Variants in UGP2 observed in about 807,000 individuals in gnomAD.
UGP2 encodes UDP-glucose pyrophosphorylase 2.
A neutral mutation model predicts 49.0 loss-of-function variants in UGP2; 40 were observed. The ratio of observed to expected loss-of-function variants is 0.82; its 90% confidence interval spans 0.63 to 1.06. UGP2 has a LOEUF of 1.06. Among genes scored for constraint, UGP2 ranks in the 50% least tolerant of loss-of-function variants. The pLI is 0.00. For missense variants in UGP2, 460 were observed against 603.5 expected (o/e 0.76, Z 2.49); for synonymous variants, 225 against 213.0 (o/e 1.06, Z -0.49).
chr2:63,887,667 G>C, intron 8 of UGP2, 23 bp downstream of exon 8: 1 of 1,609,340 alleles, frequency 6.2e-7, no homozygotes, highest in South Asian at 1.1e-5. Context: ...AAAGATATGT[G>C]AGTTCATATT....
In UGP2 at chr2:63,842,119, C is replaced by T. The variant is rs1268255304; in HGVS notation, c.-67C>T. ...GTTAAAGCAGGAGAGGAAGAGAGAC[C>T]TGCCCTGTAGCGTGACTCCTCTAGA... On this transcript the variant is annotated 5_prime_UTR_variant, in exon 1 of 10. Transcript: ENST00000337130. The T allele has an allele frequency of 6.5e-7, 1 of 1,540,798 alleles. No individual in the cohort carries two copies. The highest frequency in any genetic ancestry group is 1.4e-5 in the African/African-American group (1 of 71,614).
At chr2:63,877,754 G>A (rs1558955339) in intron 3 of UGP2, among the ~76,000 whole-genome samples, 2 of 152,008 alleles carry the variant, frequency 1.3e-5, no homozygotes, top group East Asian at 1.9e-4. Flanking sequence ...AGCACTTGGG[G>A]AGGCCGAGGC....
intron 3 of UGP2, among the ~76,000 whole-genome samples, chr2:63,872,787 C>T (rs192027424): frequency 1.8e-3 from 269 of 150,206 alleles, no homozygotes; most frequent in Non-Finnish European, 2.2e-3. Flanking sequence ...ATGCCAGTGC[C>T]CTCAAAAAAA....
Position 63,858,046 on chromosome 2 carries a change from A to G in UGP2, c.255+110A>G, listed in dbSNP as rs541582741. On this transcript the variant is annotated intron_variant, in intron 3 of 9. Transcript: ENST00000337130. Reference sequence around the variant, plus strand: ...CTATAACAATCATGTGAGACAAGACAGGACTTGCTTTGAATTCTCTGACCC... The same window carrying G: ...CTATAACAATCATGTGAGACAAGACGGGACTTGCTTTGAATTCTCTGACCC... The G allele has an allele frequency of 2.4e-5, 24 of 982,588 alleles. No individual in the cohort carries two copies. The African/African-American group carries it at 3.6e-4, about 15-fold the overall frequency. 60.9% of individuals were successfully genotyped at this position (982,588 alleles called of 1,614,324 possible).
chr2:63,887,813 C>A, intron 8 of UGP2, 169 bp downstream of exon 8: 1 of 930,672 alleles, frequency 1.1e-6, no homozygotes, highest in Non-Finnish European at 1.5e-6. Context: ...AAATATTTTA[C>A]TTCACATTTG....
chr2:63,886,018 A>G, intron 6 of UGP2, 132 bp downstream of exon 6: 1 of 1,065,586 alleles, frequency 9.4e-7, no homozygotes. Flanking sequence ...ACATAATAGT[A>G]TGTATCATAA....
intron 3 of UGP2, among the ~76,000 whole-genome samples, chr2:63,870,138 G>T (rs891476866): frequency 1.3e-5 from 2 of 152,034 alleles, no homozygotes; most frequent in African/African-American, 2.4e-5. Context: ...TAGCCAGGAT[G>T]ATCTCGATAT....
At chr2:63,859,749 G>T (rs1258407471) in intron 3 of UGP2, among the ~76,000 whole-genome samples, 1 of 152,184 alleles carries the variant, frequency 6.6e-6, no homozygotes, top group Non-Finnish European at 1.5e-5. Flanking sequence ...AAAAGTGTAA[G>T]TCTTCATTAA....
chr2:63,880,862 A>G (rs1671257009), intron 3 of UGP2, among the ~76,000 whole-genome samples: 3 of 151,904 alleles, frequency 2.0e-5, no homozygotes, highest in African/African-American at 7.3e-5. Flanking sequence ...TCACATCCCA[A>G]TATTTATGTA....
intron 3 of UGP2, among the ~76,000 whole-genome samples, chr2:63,878,406 G>A (rs1198661258): frequency 6.6e-6 from 1 of 152,058 alleles, no homozygotes; most frequent in Non-Finnish European, 1.5e-5. Context: ...CTTCAATCAG[G>A]TATGTTTTTA....
In UGP2 at chr2:63,885,800, A is replaced by G; in HGVS notation, c.787A>G (p.Ile263Val). 6.2e-7 allele frequency: 1 copy of G among 1,612,640 alleles called. No homozygotes were observed. Among genetic ancestry groups the G allele is most frequent in the Non-Finnish European group, 8.5e-7 (1 of 1,179,590 alleles). ...DNLGATVDLY[I>V]LNHLMNPPNG... is the part of the protein sequence containing the mutation. ...TCTGGGTGCCACAGTGGATCTGTAT[A>G]TTCTTAATCATCTAATGAACCCACC... The change falls in exon 6 of 10, where the codon ATT becomes GTT. Residue 263 changes from isoleucine to valine, a missense_variant. Around this residue, in one of 2 missense-constraint regions of UGP2, gnomAD observed 317 missense variants for 473.0 expected, o/e 0.67. Transcript: ENST00000337130.
chr2:63,878,539 A>G (rs185402380), intron 3 of UGP2, among the ~76,000 whole-genome samples: 41 of 152,366 alleles, frequency 2.7e-4, no homozygotes, highest in Non-Finnish European at 2.5e-4. Context: ...AATTTATAAT[A>G]AAACTTTCCA....
chr2:63,873,167 T>C (rs1670673630), intron 3 of UGP2, among the ~76,000 whole-genome samples: 1 of 152,190 alleles, frequency 6.6e-6, no homozygotes, highest in African/African-American at 2.4e-5. Context: ...GAACAAAAGT[T>C]GTGGAAGCTT....
At chr2:63,848,104 G>A (rs190737033) in intron 1 of UGP2, among the ~76,000 whole-genome samples, 280 of 152,268 alleles carry the variant, frequency 1.8e-3, no homozygotes, top group African/African-American at 6.2e-3. Context: ...TAAATTAGTA[G>A]GGCAAGTTCT....
intron 3 of UGP2, among the ~76,000 whole-genome samples, chr2:63,860,246 A>G (rs1669744357): frequency 6.6e-6 from 1 of 152,306 alleles, no homozygotes; most frequent in Non-Finnish European, 1.5e-5. Flanking sequence ...AAGGTGTGAC[A>G]TAAACATTGT....
At chr2:63,842,541 A>G in intron 1 of UGP2, 1 of 1,522,810 alleles carries the variant, frequency 6.6e-7, no homozygotes, top group Non-Finnish European at 8.8e-7. Flanking sequence ...GTGTCAAGGT[A>G]CCTGTGCGTG....
chr2:63,885,436 A>G (rs2104359870), intron 5 of UGP2, among the ~76,000 whole-genome samples, 153 bp from the exon 6 acceptor site: 1 of 152,252 alleles, frequency 6.6e-6, no homozygotes, highest in South Asian at 2.1e-4. Context: ...ATACTGAGAG[A>G]TTTTCTTAAA....
intron 8 of UGP2, chr2:63,888,471 G>A (rs1451472769): frequency 6.6e-6 from 1 of 152,206 alleles, no homozygotes; most frequent in African/African-American, 2.4e-5. Flanking sequence ...ATAAATGTGA[G>A]CTGTACATAC....
chr2:63,875,896 C>T (rs895367851), intron 3 of UGP2, among the ~76,000 whole-genome samples: 1 of 152,132 alleles, frequency 6.6e-6, no homozygotes, highest in Non-Finnish European at 1.5e-5. Flanking sequence ...GCACAAAGAT[C>T]GCACTGGTGA....
Sources: allele counts gnomAD v4.1 joint callset (sites outside exome capture counted in the v4.1 genomes callset), GRCh38; gene constraint gnomAD v4.1.1; regional missense constraint gnomAD v4.1.1; transcripts MANE v1.5; gene names NCBI Gene and HGNC (gene_info 2026-07-23, HGNC 2026-07-21).